The following CADPS2 variants were observed in gnomAD, a reference collection of about 807,000 sequenced individuals.
The protein encoded by CADPS2 is calcium-dependent secretion activator 2.
CADPS2 carries 93 observed loss-of-function variants against 172.5 expected under a neutral mutation model. The ratio of observed to expected loss-of-function variants is 0.54; its 90% CI spans 0.46 to 0.64. The LOEUF is 0.64. CADPS2 is among the 30% of genes least tolerant of loss of function. CADPS2 has a pLI of 0.00. For synonymous variants in CADPS2, 546 were observed against 555.2 expected, an observed-to-expected ratio of 0.98 and a Z score of 0.23; for missense variants, 1,420 against 1,565.9, an observed-to-expected ratio of 0.91 and a Z score of 1.57.
At chr7:122,596,120 C>T (rs538000409) in intron 6 of CADPS2, among the ~76,000 whole-genome samples, 1 of 152,200 alleles carries the variant, frequency 6.6e-6, no homozygotes, top group Non-Finnish European at 1.5e-5. Flanking sequence ...CCACATGTTA[C>T]TCAGGGAAGG....
chr7:122,496,356 T>G (rs1463016732), intron 9 of CADPS2, among the ~76,000 whole-genome samples: 1 of 152,098 alleles, frequency 6.6e-6, no homozygotes, highest in Non-Finnish European at 1.5e-5. Context: ...ATAGATGAGG[T>G]TTCACCATGT....
chr7:122,452,935 A>G (rs941608670), intron 14 of CADPS2, among the ~76,000 whole-genome samples: 6 of 152,210 alleles, frequency 3.9e-5, no homozygotes, highest in African/African-American at 1.4e-4. Flanking sequence ...CTAGTCAATT[A>G]GGATGAAAGC....
rs57107142 is a variant in CADPS2, at chr7:122,356,790, G to C, written c.3504+3998C>G. Among the ~76,000 whole-genome samples, 1,384 of 152,254 alleles carry C rather than the reference G, an allele frequency of 9.1e-3. 23 individuals carry two copies. Among genetic ancestry groups the C allele is most frequent in the African/African-American group, 0.032 (1,321 of 41,556 alleles). On this transcript the variant is annotated intron_variant, in intron 27 of 29. Coordinates refer to ENST00000449022, the MANE Select transcript of CADPS2 (RefSeq NM_017954.11). ...CCACTGGGAGCTCTTTCCATCATCT[G>C]CTGTGTCTCTTTGAAACACAGAGTT...
At chr7:122,376,805 T>C (rs138724713) in intron 25 of CADPS2, among the ~76,000 whole-genome samples, 1 of 152,264 alleles carries the variant, frequency 6.6e-6, no homozygotes, top group African/African-American at 2.4e-5. Flanking sequence ...GGTTTTATGA[T>C]TATAAACTTA....
chr7:122,698,067 G>A (rs752867475), intron 2 of CADPS2: 4 of 1,613,894 alleles, frequency 2.5e-6, no homozygotes, highest in African/African-American at 2.7e-5. Flanking sequence ...AAATCCAGGG[G>A]TCAATGCAAT....
chr7:122,857,060 A>G (rs1815449384), intron 1 of CADPS2, among the ~76,000 whole-genome samples: 1 of 152,232 alleles, frequency 6.6e-6, no homozygotes, highest in Non-Finnish European at 1.5e-5. Context: ...ATTTGTATGT[A>G]TGAGGAAAGA....
At chr7:122,516,923 A>AAG (rs111409521) in intron 8 of CADPS2, among the ~76,000 whole-genome samples, 4,467 of 152,190 alleles carry the variant, frequency 0.029, 84 homozygotes, top group South Asian at 0.053. Flanking sequence ...TAGTTTACAT[A>AAG]AAGTAAAATT....
At chr7:122,601,652 C>A (rs1160409658) in intron 6 of CADPS2, among the ~76,000 whole-genome samples, 1 of 151,830 alleles carries the variant, frequency 6.6e-6, no homozygotes, top group African/African-American at 2.4e-5. Flanking sequence ...GTTTCTAGAG[C>A]CTGTAATTTT....
rs890855344 is a variant in CADPS2 at position 122,335,268 on chromosome 7, G to A, written c.3613-9687C>T. ...ATACATTTATTGCCTATCTTTTTTT[G>A]AGATGGAGTCTCGCTCTGTCACCCA... On this transcript the variant is annotated intron_variant, in intron 28 of 29. Transcript: ENST00000449022. Among the ~76,000 whole-genome samples, 4 of 151,622 alleles carry A rather than the reference G, an allele frequency of 2.6e-5. No homozygotes were observed. In the South Asian group the frequency reaches 8.3e-4, roughly 32 times the overall value.
At position 122,882,933 on chromosome 7, in the gene CADPS2, G is replaced by A. The variant is rs1823326582; in HGVS notation, c.339+3066C>T. Among the ~76,000 whole-genome samples the A allele has an allele frequency of 2.6e-5, 4 of 152,144 alleles. No individual in the cohort carries two copies. The South Asian group carries it at 8.3e-4, about 32-fold the overall frequency. ...TGGATATGTTCATTTAGGAGGTGTA[G>A]CACCTGGAAAGGCACTCTGTCACAG... On this transcript the variant is annotated intron_variant, in intron 1 of 29. Coordinates refer to ENST00000449022, the MANE Select transcript of CADPS2 (RefSeq NM_017954.11).
intron 7 of CADPS2, among the ~76,000 whole-genome samples, chr7:122,577,458 G>GCATTTA (rs201815806): frequency 0.012 from 1,850 of 152,142 alleles, 36 homozygotes; most frequent in African/African-American, 0.042. Context: ...TCTTCCATTT[G>GCATTTA]CATTTACATT....
At position 122,719,316 on chromosome 7, in the gene CADPS2, A is replaced by G. The variant is rs1460060256; in HGVS notation, c.453+17639T>C. On this transcript the variant is annotated intron_variant, in intron 2 of 29. Coordinates refer to ENST00000449022, the MANE Select transcript of CADPS2 (RefSeq NM_017954.11). Reference sequence around the variant, plus strand: ...TCATGCATGAGGAGAACAAGCTGGAAGTCCCCAACACAGCCTTCCTCCCTG... The same window carrying G: ...TCATGCATGAGGAGAACAAGCTGGAGGTCCCCAACACAGCCTTCCTCCCTG... Among the ~76,000 whole-genome samples, 3 of 152,208 alleles carry G rather than the reference A, an allele frequency of 2.0e-5. No individual in the cohort carries two copies. The East Asian group carries it at 5.8e-4, about 30-fold the overall frequency.
At chr7:122,502,095 C>A (rs1045627952) in intron 9 of CADPS2, among the ~76,000 whole-genome samples, 1 of 152,054 alleles carries the variant, frequency 6.6e-6, no homozygotes, top group Non-Finnish European at 1.5e-5. Context: ...GATCAAAAAT[C>A]ACTAAAGGTG....
chr7:122,454,646 A>G (rs566362635), intron 14 of CADPS2, among the ~76,000 whole-genome samples: 1 of 152,322 alleles, frequency 6.6e-6, no homozygotes, highest in South Asian at 2.1e-4. Context: ...TAAGAAAGGA[A>G]GTCCTAAACC....
intron 1 of CADPS2, among the ~76,000 whole-genome samples, chr7:122,818,238 C>A (rs1355080677): frequency 6.6e-6 from 1 of 151,994 alleles, no homozygotes; most frequent in Non-Finnish European, 1.5e-5. Context: ...AACTTAAAAC[C>A]TCTTCAACTC....
chr7:122,847,176 T>TTGG (rs1812216477), intron 1 of CADPS2, among the ~76,000 whole-genome samples: 1 of 152,148 alleles, frequency 6.6e-6, no homozygotes, highest in Non-Finnish European at 1.5e-5. Flanking sequence ...AACCTCCGCC[T>TTGG]CCTGGGTTCA....
intron 28 of CADPS2, among the ~76,000 whole-genome samples, chr7:122,339,479 A>G (rs779184670): frequency 1.3e-5 from 2 of 152,256 alleles, no homozygotes; most frequent in African/African-American, 2.4e-5. Flanking sequence ...TTAGGAAATC[A>G]ACATTGTAAT....
chr7:122,581,173 A>T lies in CADPS2; in HGVS notation c.1335+6T>A. ...ACCCTGGACACACAGGCTGACCACA[A>T]CTCACCCTTCCCAGTTCTTTATCTT... On this transcript the variant is annotated splice_donor_region_variant and intron_variant, in intron 7 of 29. Coordinates refer to ENST00000449022, the MANE Select transcript of CADPS2 (RefSeq NM_017954.11). 1 of 1,607,276 alleles carries T rather than the reference A, an allele frequency of 6.2e-7. No individual in the cohort carries two copies.
intron 14 of CADPS2, among the ~76,000 whole-genome samples, chr7:122,465,023 TA>T (rs2054955580): frequency 6.6e-6 from 1 of 151,610 alleles, no homozygotes; most frequent in African/African-American, 2.4e-5. Context: ...TATCGTAAAA[TA>T]AAAAGTATAT....
Sources: allele counts gnomAD v4.1 joint callset (sites outside exome capture counted in the v4.1 genomes callset), GRCh38; gene constraint gnomAD v4.1.1; transcripts MANE v1.5; gene names NCBI Gene and HGNC (gene_info 2026-07-23, HGNC 2026-07-21).